The following TAS2R1 variants were observed in gnomAD, a reference collection of about 807,000 sequenced individuals.
The protein encoded by TAS2R1 is taste 2 receptor member 1.
For synonymous variants in TAS2R1, 141 were observed against 134.2 expected, an observed-to-expected ratio of 1.05 and a Z score of -0.35; for missense variants, 370 against 353.4, an observed-to-expected ratio of 1.05 and a Z score of -0.38.
chr5:9,898,520 C>T, the TAS2R1 span, among the ~76,000 whole-genome samples: 448 of 152,300 alleles, frequency 2.9e-3, 3 homozygotes, highest in African/African-American at 0.01. Flanking sequence ...TTTGCCACCA[C>T]CAGATGGCAC....
chr5:9,840,410 A>G, the TAS2R1 span, among the ~76,000 whole-genome samples: 1 of 152,010 alleles, frequency 6.6e-6, no homozygotes, highest in Non-Finnish European at 1.5e-5. Context: ...CTCCTCTACC[A>G]TCCATTTTTA....
the TAS2R1 span, among the ~76,000 whole-genome samples, chr5:9,831,424 T>G: frequency 6.6e-6 from 1 of 152,212 alleles, no homozygotes; most frequent in African/African-American, 2.4e-5. Flanking sequence ...TTAGAAGTGT[T>G]TGTTTTATTC....
At chr5:9,901,569 C>A in the TAS2R1 span, among the ~76,000 whole-genome samples, 12 of 151,878 alleles carry the variant, frequency 7.9e-5, no homozygotes, top group African/African-American at 2.7e-4. Context: ...ATAATAGGGG[C>A]CTTTGAAAGC....
intron 2 of TAS2R1, among the ~76,000 whole-genome samples, chr5:9,648,714 T>G (rs1291299590): frequency 1.3e-5 from 2 of 152,034 alleles, no homozygotes; most frequent in Admixed American, 6.6e-5. Flanking sequence ...TAGGGACGTA[T>G]AGACTCTATA....
At chr5:9,864,507 C>A in the TAS2R1 span, among the ~76,000 whole-genome samples, 1 of 151,772 alleles carries the variant, frequency 6.6e-6, no homozygotes, top group Non-Finnish European at 1.5e-5. Flanking sequence ...GTGGCATGCA[C>A]CTGTAGTCCC....
the TAS2R1 span, among the ~76,000 whole-genome samples, chr5:9,855,231 A>G: frequency 6.6e-6 from 1 of 152,208 alleles, no homozygotes; most frequent in Non-Finnish European, 1.5e-5. Context: ...TATCTGACCC[A>G]TCTCCAGTTT....
chr5:9,629,073 T>G lies in TAS2R1; in HGVS notation c.*60A>C. On this transcript the variant is annotated 3_prime_UTR_variant, in exon 1 of 1. Coordinates refer to ENST00000382492, the MANE Select transcript of TAS2R1 (RefSeq NM_019599.3). ...GGCTGCTTTGTCTGGCTGAGGGAAG[T>G]GTGGCAGGCATGGGTAAATCATTGA... is the stretch of plus-strand genomic sequence containing the variant. 6.8e-7 allele frequency: 1 copy of G among 1,476,920 alleles called. No individual in the cohort carries two copies. Among genetic ancestry groups the G allele is most frequent in the Middle Eastern group, 2.4e-4 (1 of 4,186 alleles). The allele number at this position is 1,476,920 out of a possible 1,614,324, so 91.5% of individuals were successfully genotyped here.
chr5:9,796,733 AAAAAAAGAAAAGAAAAAAAAAAAG>A, the TAS2R1 span, among the ~76,000 whole-genome samples: 1 of 144,918 alleles, frequency 6.9e-6, no homozygotes, highest in African/African-American at 2.6e-5. Flanking sequence ...AAAAAAAAAA[AAAAAAAGAAAAGAAAAAAAAAAAG>A]AAAAGTGTTC....
the TAS2R1 span, among the ~76,000 whole-genome samples, chr5:9,860,374 C>T: frequency 6.6e-6 from 1 of 152,216 alleles, no homozygotes; most frequent in Non-Finnish European, 1.5e-5. Context: ...ATTTACCTTC[C>T]CTCATCTCCC....
intron 1 of TAS2R1, among the ~76,000 whole-genome samples, chr5:9,682,505 G>A (rs569431976): frequency 1.1e-4 from 17 of 152,216 alleles, no homozygotes; most frequent in South Asian, 2.1e-4. Context: ...CAGTCAGCCC[G>A]TCACCCTTCC....
intron 2 of TAS2R1, among the ~76,000 whole-genome samples, chr5:9,656,497 G>A (rs1458512233): frequency 1.3e-5 from 2 of 152,188 alleles, no homozygotes; most frequent in African/African-American, 4.8e-5. Flanking sequence ...TCCTAAAGCA[G>A]GAGAAGATCA....
upstream of TAS2R1, chr5:9,713,756 T>C (rs1193027155): frequency 6.6e-6 from 1 of 152,156 alleles, no homozygotes; most frequent in African/African-American, 2.4e-5. Context: ...ACAAGGGAGT[T>C]AAAATAACAG....
chr5:9,814,122 C>T, the TAS2R1 span, among the ~76,000 whole-genome samples: 1 of 152,144 alleles, frequency 6.6e-6, no homozygotes, highest in Non-Finnish European at 1.5e-5. Flanking sequence ...ACTCATCTTC[C>T]TCTGCTCTGT....
the TAS2R1 span, among the ~76,000 whole-genome samples, chr5:9,728,062 C>T: frequency 6.6e-6 from 1 of 152,110 alleles, no homozygotes; most frequent in Non-Finnish European, 1.5e-5. Context: ...GAAGGGACAA[C>T]TAAGTACTGG....
chr5:9,640,518 A>AAC (rs1554052292), intron 2 of TAS2R1, among the ~76,000 whole-genome samples: 1 of 148,290 alleles, frequency 6.7e-6, no homozygotes, highest in Non-Finnish European at 1.5e-5. Context: ...AAAAAAAAAA[A>AAC]AAAACAGTAC....
chr5:9,859,658 G>C, the TAS2R1 span, among the ~76,000 whole-genome samples: 2 of 152,174 alleles, frequency 1.3e-5, no homozygotes, highest in South Asian at 4.1e-4. Flanking sequence ...GTAATGCAGG[G>C]GGACCAGATA....
the TAS2R1 span, chr5:9,863,104 C>T: frequency 2.0e-5 from 3 of 152,028 alleles, no homozygotes; most frequent in African/African-American, 7.2e-5. Flanking sequence ...AAACAATGAA[C>T]CATTTTCCCT....
the TAS2R1 span, among the ~76,000 whole-genome samples, chr5:9,901,966 T>C: frequency 1.3e-5 from 2 of 152,112 alleles, no homozygotes; most frequent in Admixed American, 6.6e-5. Context: ...TGAAAGGATC[T>C]CAGAGTAGTG....
the TAS2R1 span, among the ~76,000 whole-genome samples, chr5:9,739,996 A>C: frequency 6.6e-6 from 1 of 152,294 alleles, no homozygotes; most frequent in East Asian, 1.9e-4. Context: ...AGCTTTCCCC[A>C]AAATTTTCAG....
Sources: gnomAD v4.1 joint callset for allele counts (sites outside exome capture counted in the v4.1 genomes callset) on GRCh38, gnomAD v4.1.1 for gene constraint, MANE v1.5 for transcripts, NCBI Gene and HGNC (gene_info 2026-07-23, HGNC 2026-07-21) for gene names.